TCF4: variants seen among roughly 807,000 people sequenced by gnomAD.
The protein encoded by TCF4 is SL3-3 enhancer factor 2.
In TCF4, 3 loss-of-function variants were observed where a neutral mutation model predicts 82.1. The observed-to-expected ratio is 0.04, with a 90% CI of 0.02 to 0.09. The LOEUF (loss-of-function observed/expected upper bound fraction) is 0.09, where lower values mean the gene tolerates loss of function less well. Ranked by LOEUF, TCF4 falls within the 10% of genes least tolerant of loss-of-function variation. TCF4 has a pLI of 1.00. For synonymous variants in TCF4, 276 were observed against 309.6 expected, an observed-to-expected ratio of 0.89 and a Z score of 1.14; for missense variants, 518 against 852.7, an observed-to-expected ratio of 0.61 and a Z score of 4.89.
intron 5 of TCF4, among the ~76,000 whole-genome samples, chr18:55,421,557 AAGTC>A (rs2094757630): frequency 6.6e-6 from 1 of 152,190 alleles, no homozygotes; most frequent in Admixed American, 6.5e-5. Flanking sequence ...GAACTCCCAG[AAGTC>A]ATTTTATTCA....
chr18:55,594,952 GGGA>G, intron 2 of TCF4, among the ~76,000 whole-genome samples: 1 of 152,124 alleles, frequency 6.6e-6, no homozygotes, highest in Non-Finnish European at 1.5e-5. Context: ...GCATACACAA[GGGA>G]AGGCAGGACC....
At chr18:55,404,451 GACCCC>G (rs2093985524) in intron 5 of TCF4, 1 of 152,254 alleles carries the variant, frequency 6.6e-6, no homozygotes, top group African/African-American at 2.4e-5. Context: ...AGGTGCCTAA[GACCCC>G]ACCCCACGCA....
chr18:55,565,174 T>C (rs1372733510), intron 3 of TCF4, among the ~76,000 whole-genome samples: 1 of 152,076 alleles, frequency 6.6e-6, no homozygotes, highest in Admixed American at 6.5e-5. Flanking sequence ...TTAGCACAAC[T>C]AGTTTCATTG....
At position 55,224,046 on chromosome 18, in the gene TCF4, A is replaced by T. The variant is rs910298581; in HGVS notation, c.*3989T>A. 6.9e-6 allele frequency: 1 copy of T among 144,704 alleles called. No homozygotes were observed. Among genetic ancestry groups the T allele is most frequent in the African/African-American group, 2.5e-5 (1 of 40,108 alleles). The allele number at this position is 144,704 out of a possible 1,614,324, so 9.0% of individuals were successfully genotyped here. A position where few individuals can be genotyped will look rare whatever the true frequency, so the allele number is the denominator to read the frequency against. On this transcript the variant is annotated 3_prime_UTR_variant, in exon 20 of 20. Coordinates refer to ENST00000354452, the MANE Select transcript of TCF4 (RefSeq NM_001083962.2). Reference sequence around the variant, plus strand: ...AAGCCAAATATATTTTTTATTTTTAAATTTAGTTTTTTTTTTTTCCTACTA... The same window carrying T: ...AAGCCAAATATATTTTTTATTTTTATATTTAGTTTTTTTTTTTTCCTACTA...
At chr18:55,410,592 C>T (rs1021944582) in intron 5 of TCF4, among the ~76,000 whole-genome samples, 3 of 152,056 alleles carry the variant, frequency 2.0e-5, no homozygotes, top group African/African-American at 7.2e-5. Flanking sequence ...GGGTAACCAG[C>T]TCATATAGTT....
chr18:55,502,407 C>G (rs1202452957), intron 3 of TCF4, among the ~76,000 whole-genome samples: 1 of 152,190 alleles, frequency 6.6e-6, no homozygotes, highest in African/African-American at 2.4e-5. Flanking sequence ...TTCCTCACTG[C>G]TACCTTGAAA....
intron 2 of TCF4, among the ~76,000 whole-genome samples, chr18:55,604,962 T>G (rs1301880933): frequency 1.3e-5 from 2 of 152,142 alleles, no homozygotes; most frequent in Non-Finnish European, 2.9e-5. Context: ...ATTCCAGCCC[T>G]TTTCCCTTTT....
At chr18:55,555,033 T>A (rs913558069) in intron 3 of TCF4, among the ~76,000 whole-genome samples, 2 of 152,152 alleles carry the variant, frequency 1.3e-5, no homozygotes, top group African/African-American at 4.8e-5. Context: ...TGACCCATAC[T>A]CATACTTAGA....
intron 8 of TCF4, among the ~76,000 whole-genome samples, chr18:55,323,270 G>A (rs567696173): frequency 3.3e-5 from 5 of 152,228 alleles, no homozygotes; most frequent in Admixed American, 6.5e-5. Flanking sequence ...TGCATATGCC[G>A]AAGCAAATGC....
At chr18:55,509,777 T>C (rs915902530) in intron 3 of TCF4, among the ~76,000 whole-genome samples, 22 of 152,052 alleles carry the variant, frequency 1.4e-4, no homozygotes, top group Non-Finnish European at 2.5e-4. Context: ...ATCCAGACAT[T>C]ACTGAAGTTC....
At chr18:55,451,434 C>T (rs546312686) in intron 5 of TCF4, among the ~76,000 whole-genome samples, 1 of 152,302 alleles carries the variant, frequency 6.6e-6, no homozygotes, top group Non-Finnish European at 1.5e-5. Flanking sequence ...TCACCCATCA[C>T]TAGGAAGTGA....
chr18:55,552,152 G>A (rs1005622565), intron 3 of TCF4, among the ~76,000 whole-genome samples: 11 of 151,956 alleles, frequency 7.2e-5, no homozygotes, highest in East Asian at 5.8e-4. Context: ...TGGTCTATAC[G>A]TCTCCAACTA....
intron 3 of TCF4, among the ~76,000 whole-genome samples, chr18:55,509,947 A>G (rs1015253603): frequency 2.6e-5 from 4 of 152,212 alleles, no homozygotes; most frequent in African/African-American, 9.6e-5. Context: ...TTCTTCATCC[A>G]TGAAAATGCC....
intron 6 of TCF4, chr18:55,352,029 C>A (rs927826486): frequency 1.1e-5 from 6 of 532,412 alleles, no homozygotes; most frequent in Non-Finnish European, 1.4e-5. Context: ...TGTGTTTTCC[C>A]TAATCTAAAT....
intron 6 of TCF4, among the ~76,000 whole-genome samples, chr18:55,391,894 T>C (rs1415893400): frequency 4.3e-5 from 6 of 140,788 alleles, no homozygotes; most frequent in Non-Finnish European, 6.1e-5. Context: ...GCAGAGATTG[T>C]GCCACTGCAC....
At chr18:55,325,352 A>G (rs2076376331) in intron 8 of TCF4, among the ~76,000 whole-genome samples, 1 of 152,228 alleles carries the variant, frequency 6.6e-6, no homozygotes, top group South Asian at 2.1e-4. Flanking sequence ...CACATACATT[A>G]AACAATTAGA....
At chr18:55,318,207 C>T (rs1336704278) in intron 8 of TCF4, among the ~76,000 whole-genome samples, 2 of 151,914 alleles carry the variant, frequency 1.3e-5, no homozygotes, top group Non-Finnish European at 2.9e-5. Flanking sequence ...TGAAATTTGA[C>T]CAAATAATCA....
In TCF4 at chr18:55,558,700, C is replaced by T. The variant is rs144082384; in HGVS notation, c.145+26580G>A. 5.7e-3 allele frequency among the ~76,000 whole-genome samples: 871 copies of T among 152,170 alleles called. 11 individuals are homozygous for T. Among genetic ancestry groups the T allele is most frequent in the African/African-American group, 0.02 (833 of 41,528 alleles). On this transcript the variant is annotated intron_variant, in intron 3 of 19. Transcript: ENST00000354452. ...AATTAAAAATCAACTCATTAAAACG[C>T]AGATTCTGTTAGTTATTGTTATCGT...
intron 8 of TCF4, among the ~76,000 whole-genome samples, chr18:55,318,959 G>A (rs189851879): frequency 5.2e-4 from 79 of 152,152 alleles, no homozygotes; most frequent in Non-Finnish European, 9.3e-4. Flanking sequence ...TTTATTCACA[G>A]GGAAAACCTG....
Sources: gnomAD v4.1 joint callset for allele counts (sites outside exome capture counted in the v4.1 genomes callset) on GRCh38, gnomAD v4.1.1 for gene constraint, MANE v1.5 for transcripts, NCBI Gene and HGNC (gene_info 2026-07-23, HGNC 2026-07-21) for gene names.